Variants in MBNL1 observed in about 807,000 individuals in gnomAD.
The protein encoded by MBNL1 is muscleblind-like protein 1.
Under a neutral mutation model 42.2 loss-of-function variants are expected in MBNL1, and 8 were observed. That is an observed-to-expected ratio of 0.19 (90% CI 0.11 to 0.34). The LOEUF (loss-of-function observed/expected upper bound fraction) is 0.34, where lower values mean the gene tolerates loss of function less well. Ranked by LOEUF, MBNL1 falls within the 10% of genes least tolerant of loss-of-function variation. The pLI, the probability that MBNL1 is intolerant of heterozygous loss-of-function variation, is 1.00. For synonymous variants in MBNL1, 169 were observed against 173.9 expected (o/e 0.97, Z 0.22); for missense variants, 309 against 495.3 (o/e 0.62, Z 3.57).
At chr3:152,455,273 A>C (rs1731274012) in intron 6 of MBNL1, among the ~76,000 whole-genome samples, 1 of 152,214 alleles carries the variant, frequency 6.6e-6, no homozygotes, top group Non-Finnish European at 1.5e-5. Context: ...AATTACTTCC[A>C]AAATACTTTT....
At chr3:152,362,131 A>G (rs2096010375) in intron 2 of MBNL1, among the ~76,000 whole-genome samples, 1 of 152,230 alleles carries the variant, frequency 6.6e-6, no homozygotes, top group African/African-American at 2.4e-5. Context: ...GAATTAATCA[A>G]TGACAACATG....
rs1285588103 is a variant in MBNL1 at position 152,465,256 on chromosome 3, C to T, written c.*2890C>T. 1 of 152,202 alleles carries T rather than the reference C, an allele frequency of 6.6e-6. No individual in the cohort carries two copies. The highest frequency in any genetic ancestry group is 6.5e-5 in the Admixed American group (1 of 15,288). The allele number at this position is 152,202 out of a possible 1,614,324, so 9.4% of individuals were successfully genotyped here. On this transcript the variant is annotated 3_prime_UTR_variant, in exon 10 of 10. Transcript: ENST00000324210. ...GAACATATATTATTCAGATCAGTTT[C>T]TGCCAATTTCAGTGGTTTATTGTTC...
chr3:152,324,694 G>A (rs1384445752), intron 2 of MBNL1, among the ~76,000 whole-genome samples: 3 of 151,936 alleles, frequency 2.0e-5, no homozygotes, highest in South Asian at 4.1e-4. Flanking sequence ...CAGATATTTT[G>A]TTGTTTAAAA....
rs557417725 is a variant in MBNL1 at position 152,412,749 on chromosome 3, C to T, written c.175-2192C>T. On this transcript the variant is annotated intron_variant, in intron 2 of 9. Coordinates refer to ENST00000324210, the MANE Select transcript of MBNL1 (RefSeq NM_021038.5). ...GGGTGGTGTGTATTCAAGGAAGGTA[C>T]TGGAATGAAGTGCTTAGGAAGACCA... 2.0e-5 allele frequency among the ~76,000 whole-genome samples: 3 copies of T among 151,212 alleles called. No individual in the cohort carries two copies. The South Asian group carries it at 6.3e-4, about 32-fold the overall frequency.
intron 2 of MBNL1, among the ~76,000 whole-genome samples, chr3:152,339,226 A>G (rs181790196): frequency 1.5e-3 from 234 of 152,274 alleles, no homozygotes; most frequent in African/African-American, 5.3e-3. Context: ...TATTCTAACT[A>G]TGGTGATTTC....
intron 2 of MBNL1, among the ~76,000 whole-genome samples, chr3:152,410,257 A>G (rs2098536040): frequency 6.6e-6 from 1 of 152,156 alleles, no homozygotes; most frequent in Admixed American, 6.5e-5. Context: ...TAGCCACAAA[A>G]AAATTATAGC....
intron 2 of MBNL1, among the ~76,000 whole-genome samples, chr3:152,258,706 G>A (rs1470520431): frequency 6.6e-6 from 1 of 152,226 alleles, no homozygotes; most frequent in Non-Finnish European, 1.5e-5. Context: ...TTTAGTCACT[G>A]AGTAATCTAG....
At chr3:152,356,810 GT>G (rs1485315130) in intron 2 of MBNL1, among the ~76,000 whole-genome samples, 1 of 151,690 alleles carries the variant, frequency 6.6e-6, no homozygotes. Context: ...AAAAAATACA[GT>G]TACTTTTATT....
intron 1 of MBNL1, among the ~76,000 whole-genome samples, chr3:152,286,460 A>ATATATTTTATTTATAATATAAATTTT (rs2052146430): frequency 2.3e-5 from 1 of 43,054 alleles, no homozygotes; most frequent in South Asian, 7.8e-4. Flanking sequence ...TATAATATAA[A>ATATATTTTATTTATAATATAAATTTT]TATATTTTAT....
chr3:152,386,357 T>C (rs541797544), intron 2 of MBNL1, among the ~76,000 whole-genome samples: 9 of 152,174 alleles, frequency 5.9e-5, no homozygotes, highest in Admixed American at 2.6e-4. Context: ...TGTTCAAGTG[T>C]AGATGACTGA....
chr3:152,400,652 C>T (rs1420852308), intron 2 of MBNL1, among the ~76,000 whole-genome samples: 1 of 152,102 alleles, frequency 6.6e-6, no homozygotes, highest in African/African-American at 2.4e-5. Flanking sequence ...TGTGATTATG[C>T]AGGTGTTGCT....
At chr3:152,299,217 TAATA>T (rs2059834808) in intron 1 of MBNL1, 184 bp from the exon 2 acceptor site, 1 of 153,230 alleles carries the variant, frequency 6.5e-6, no homozygotes, top group South Asian at 2.1e-4. Flanking sequence ...CCCCTTTTTT[TAATA>T]AATCTACGAT....
chr3:152,358,808 C>T (rs1193238700), intron 2 of MBNL1, among the ~76,000 whole-genome samples: 1 of 151,964 alleles, frequency 6.6e-6, no homozygotes, highest in African/African-American at 2.4e-5. Flanking sequence ...TGGGGTCTCA[C>T]TATGTTGCCC....
intron 2 of MBNL1, among the ~76,000 whole-genome samples, chr3:152,336,438 T>C (rs1039693636): frequency 6.6e-6 from 1 of 152,256 alleles, no homozygotes; most frequent in Non-Finnish European, 1.5e-5. Context: ...ACACAATCTT[T>C]CTGCATTCAA....
chr3:152,253,619 A>T (rs1488176411), intron 2 of MBNL1, among the ~76,000 whole-genome samples: 3 of 151,950 alleles, frequency 2.0e-5, no homozygotes, highest in Non-Finnish European at 2.9e-5. Flanking sequence ...GTCTTCTCTC[A>T]TATCCTTTCA....
At chr3:152,316,748 G>C (rs772927220) in intron 2 of MBNL1, among the ~76,000 whole-genome samples, 43 of 152,162 alleles carry the variant, frequency 2.8e-4, no homozygotes, top group Non-Finnish European at 5.9e-5. Context: ...TCAATCTATA[G>C]AGAAGATGTA....
At position 152,444,913 on chromosome 3, in the gene MBNL1, A is replaced by C. The variant is rs373467728; in HGVS notation, c.550-369A>C. 8.7e-4 allele frequency among the ~76,000 whole-genome samples: 133 copies of C among 152,314 alleles called. 1 individual carries two copies. Among genetic ancestry groups the C allele is most frequent in the African/African-American group, 3.1e-3 (128 of 41,574 alleles). On this transcript the variant is annotated intron_variant, in intron 4 of 9. Transcript: ENST00000324210. The stretch of plus-strand genomic sequence containing the variant: ...TGTATCATATCAATAGATACACAAC[A>C]TCATTATGTCTCATTATTGGTGATA...
chr3:152,335,345 T>C (rs1413391055), intron 2 of MBNL1: 4 of 994,670 alleles, frequency 4.0e-6, no homozygotes, highest in Non-Finnish European at 5.6e-6. Context: ...TTCTGTACAT[T>C]AGAAACTGTT....
chr3:152,385,240 A>C (rs1008821562), intron 2 of MBNL1, among the ~76,000 whole-genome samples: 3 of 152,074 alleles, frequency 2.0e-5, no homozygotes, highest in Non-Finnish European at 4.4e-5. Context: ...GGCCTCTCTT[A>C]CATTAAATCT....
Sources: allele counts gnomAD v4.1 joint callset (sites outside exome capture counted in the v4.1 genomes callset), GRCh38; gene constraint gnomAD v4.1.1; transcripts MANE v1.5; gene names NCBI Gene and HGNC (gene_info 2026-07-23, HGNC 2026-07-21).